The following ADCY5 variants were observed in gnomAD, a reference collection of about 807,000 sequenced individuals.
ADCY5 encodes the protein adenylate cyclase type 5.
ADCY5 carries 30 observed loss-of-function variants against 119.7 expected under a neutral mutation model. The ratio of observed to expected loss-of-function variants is 0.25; its 90% confidence interval spans 0.19 to 0.34. ADCY5 has a LOEUF of 0.34. Among genes scored for constraint, ADCY5 ranks in the 10% least tolerant of loss-of-function variants. ADCY5 has a pLI of 1.00. For missense variants in ADCY5, 1,324 were observed against 1,775.2 expected (o/e 0.75, Z 4.57); for synonymous variants, 753 against 762.2 (o/e 0.99, Z 0.20).
intron 3 of ADCY5, among the ~76,000 whole-genome samples, chr3:123,343,379 C>T (rs949951553): frequency 6.6e-6 from 1 of 152,122 alleles, no homozygotes; most frequent in African/African-American, 2.4e-5. Flanking sequence ...CATCCCCACC[C>T]CATGTTACAG....
intron 1 of ADCY5, chr3:123,416,386 G>A: frequency 6.7e-7 from 1 of 1,482,710 alleles, no homozygotes; most frequent in Non-Finnish European, 9.0e-7. Context: ...ACACCAGGCT[G>A]CTTAACAGTG....
rs189495784 is a variant in ADCY5, at chr3:123,447,343, C to T, written c.1134+69G>A. ...ATTCGAAAGGGTGAGGGTGGGATCC[C>T]TTTCTTTGGAGTCCAGCTGAGGCCT... On this transcript the variant is annotated intron_variant, in intron 1 of 20. Transcript: ENST00000462833. 7.7e-4 allele frequency: 1,087 copies of T among 1,415,768 alleles called. 8 individuals are homozygous for T. The African/African-American group carries it at 0.014, about 18-fold the overall frequency. The allele number at this position is 1,415,768 out of a possible 1,614,324, so 87.7% of individuals were successfully genotyped here.
At chr3:123,324,879 A>T (rs1050079182) in intron 8 of ADCY5, among the ~76,000 whole-genome samples, 6 of 152,238 alleles carry the variant, frequency 3.9e-5, no homozygotes, top group African/African-American at 1.4e-4. Flanking sequence ...TTTCTGAGCA[A>T]CTGAACCAAA....
At chr3:123,387,182 C>T (rs928089815) in intron 1 of ADCY5, among the ~76,000 whole-genome samples, 2 of 152,216 alleles carry the variant, frequency 1.3e-5, no homozygotes, top group African/African-American at 4.8e-5. Context: ...TGTGTATACA[C>T]AGATTTTATT....
rs2108403010 is a variant in ADCY5, at chr3:123,330,987, A to G, written c.1548T>C (p.Leu516=). 6.2e-7 allele frequency: 1 copy of G among 1,613,846 alleles called. No homozygotes were observed. The highest frequency in any genetic ancestry group is 8.5e-7 in the Non-Finnish European group (1 of 1,179,774). ...AENHCLRIKI[L]GDCYYCVSGL... ...CCGAGACGCAGTAATAACAATCCCCAAGGATCTTAATACGTAAACAGTGAT... is the reference window on the plus strand; with the variant it reads ...CCGAGACGCAGTAATAACAATCCCCGAGGATCTTAATACGTAAACAGTGAT... Residue 516 remains leucine (L), a synonymous_variant, in exon 5 of 21, where the codon CTT becomes CTC. Transcript: ENST00000462833.
intron 7 of ADCY5, among the ~76,000 whole-genome samples, chr3:123,326,039 A>G (rs1941468788): frequency 1.3e-5 from 2 of 152,200 alleles, no homozygotes; most frequent in African/African-American, 4.8e-5. Flanking sequence ...CTACAGCCTC[A>G]AGGGTGGGTG....
At chr3:123,433,213 C>G (rs928460202) in intron 1 of ADCY5, among the ~76,000 whole-genome samples, 2 of 152,308 alleles carry the variant, frequency 1.3e-5, no homozygotes, top group Middle Eastern at 3.4e-3. Context: ...GCAGGCAGGG[C>G]CCCAGAGGGG....
At chr3:123,435,730 G>A (rs1355114371) in intron 1 of ADCY5, among the ~76,000 whole-genome samples, 1 of 151,900 alleles carries the variant, frequency 6.6e-6, no homozygotes, top group Non-Finnish European at 1.5e-5. Flanking sequence ...AAATTCAGCT[G>A]GGCGTGGTGA....
chr3:123,344,673 C>A (rs1009415356), intron 3 of ADCY5, among the ~76,000 whole-genome samples: 1 of 152,180 alleles, frequency 6.6e-6, no homozygotes, highest in Non-Finnish European at 1.5e-5. Context: ...AGCCCAGCCC[C>A]AAGGGGTGTT....
At chr3:123,359,723 A>G (rs986121959) in intron 1 of ADCY5, among the ~76,000 whole-genome samples, 3 of 152,190 alleles carry the variant, frequency 2.0e-5, no homozygotes, top group Admixed American at 6.5e-5. Context: ...GAAAAGGAGG[A>G]GAGGCTCTCT....
At chr3:123,393,238 C>T (rs2107589746) in intron 1 of ADCY5, among the ~76,000 whole-genome samples, 1 of 152,280 alleles carries the variant, frequency 6.6e-6, no homozygotes, top group East Asian at 1.9e-4. Context: ...TTCTTGGAAT[C>T]CCTGTGTCCT....
At chr3:123,413,264 G>A (rs758193477) in intron 1 of ADCY5, among the ~76,000 whole-genome samples, 3 of 152,190 alleles carry the variant, frequency 2.0e-5, no homozygotes, top group Non-Finnish European at 2.9e-5. Flanking sequence ...CACGGAACAC[G>A]GAACATTTCC....
At chr3:123,327,596 C>G (rs1280313342) in intron 7 of ADCY5, 22 bp downstream of exon 7, 1 of 1,608,292 alleles carries the variant, frequency 6.2e-7, no homozygotes, top group Admixed American at 1.7e-5. Flanking sequence ...CCCCTCAGCC[C>G]CCCGGCCCCC....
chr3:123,343,849 C>A (rs781703230), intron 3 of ADCY5, among the ~76,000 whole-genome samples: 5 of 152,288 alleles, frequency 3.3e-5, no homozygotes, highest in Admixed American at 2.6e-4. Flanking sequence ...GCTGACCCCC[C>A]GCCCCGTCAG....
At chr3:123,390,130 A>G (rs1944360819) in intron 1 of ADCY5, among the ~76,000 whole-genome samples, 1 of 152,214 alleles carries the variant, frequency 6.6e-6, no homozygotes, top group Non-Finnish European at 1.5e-5. Context: ...AGCTGGACAG[A>G]CACTTTGGGC....
At chr3:123,295,246 G>T (rs1939425289) in intron 17 of ADCY5, among the ~76,000 whole-genome samples, 1 of 152,244 alleles carries the variant, frequency 6.6e-6, no homozygotes, top group Non-Finnish European at 1.5e-5. Context: ...GATGGAGGAG[G>T]TCAAAGTGAG....
chr3:123,306,863 A>G (rs1940226151), intron 12 of ADCY5, among the ~76,000 whole-genome samples: 1 of 152,280 alleles, frequency 6.6e-6, no homozygotes, highest in Admixed American at 6.5e-5. Context: ...CAATTGATGA[A>G]TGAATAAACA....
chr3:123,369,852 G>T (rs1420610065), intron 1 of ADCY5, among the ~76,000 whole-genome samples: 1 of 152,150 alleles, frequency 6.6e-6, no homozygotes, highest in African/African-American at 2.4e-5. Flanking sequence ...GAGGACTCTG[G>T]GGAGTCTTAT....
chr3:123,382,058 C>T (rs760695567), intron 1 of ADCY5, among the ~76,000 whole-genome samples: 9 of 152,192 alleles, frequency 5.9e-5, no homozygotes, highest in Non-Finnish European at 8.8e-5. Flanking sequence ...CCCTCTGCTC[C>T]AGCCATACTG....
Sources: allele counts gnomAD v4.1 joint callset (sites outside exome capture counted in the v4.1 genomes callset), GRCh38; gene constraint gnomAD v4.1.1; transcripts MANE v1.5; gene names NCBI Gene and HGNC (gene_info 2026-07-23, HGNC 2026-07-21).